Variants in LDLRAD3 observed in about 807,000 individuals in gnomAD.
LDLRAD3 encodes the protein low density lipoprotein receptor class A domain containing 3, also known as low-density lipoprotein receptor class A domain-containing protein 3.
LDLRAD3 carries 20 observed loss-of-function variants against 29.4 expected under a neutral mutation model. The ratio of observed to expected loss-of-function variants is 0.68; its 90% CI spans 0.48 to 0.99. The LOEUF is 0.99. LDLRAD3 is among the 50% of genes least tolerant of loss of function. The pLI is 0.00. For synonymous variants in LDLRAD3, 157 were observed against 192.7 expected, an observed-to-expected ratio of 0.81 and a Z score of 1.53; for missense variants, 420 against 454.3, an observed-to-expected ratio of 0.92 and a Z score of 0.69.
intron 4 of LDLRAD3, among the ~76,000 whole-genome samples, chr11:36,203,973 G>A (rs1855166235): frequency 1.3e-5 from 2 of 151,298 alleles, no homozygotes; most frequent in East Asian, 2.0e-4. Flanking sequence ...CTGGTTCCAC[G>A]GCACTTTTCC....
intron 1 of LDLRAD3, among the ~76,000 whole-genome samples, chr11:35,988,511 A>G (rs991469086): frequency 1.3e-5 from 2 of 152,082 alleles, no homozygotes; most frequent in Admixed American, 6.6e-5. Context: ...CTCTCATTCT[A>G]TAGGTTGTTT....
intron 1 of LDLRAD3, among the ~76,000 whole-genome samples, chr11:35,958,455 T>C (rs263091): frequency 0.97 from 147,036 of 152,254 alleles, 71,008 homozygotes; most frequent in East Asian, 1. Flanking sequence ...CTTTATTTTC[T>C]TCTGTTCAGT....
intron 4 of LDLRAD3, among the ~76,000 whole-genome samples, chr11:36,148,213 A>G (rs946732899): frequency 6.6e-6 from 1 of 152,122 alleles, no homozygotes; most frequent in Non-Finnish European, 1.5e-5. Context: ...AATAAATGTT[A>G]TATATCTAGC....
intron 3 of LDLRAD3, among the ~76,000 whole-genome samples, chr11:36,085,246 G>A (rs879833561): frequency 6.6e-5 from 10 of 151,928 alleles, no homozygotes; most frequent in Non-Finnish European, 1.3e-4. Flanking sequence ...CTTTAAGTAT[G>A]CCACTTCTAT....
intron 4 of LDLRAD3, among the ~76,000 whole-genome samples, chr11:36,202,365 T>G (rs1855139645): frequency 6.6e-6 from 1 of 152,158 alleles, no homozygotes; most frequent in Non-Finnish European, 1.5e-5. Flanking sequence ...TAATGCAGGA[T>G]GTAGGAATTG....
intron 4 of LDLRAD3, among the ~76,000 whole-genome samples, chr11:36,139,597 A>G (rs1397417665): frequency 6.6e-6 from 1 of 152,180 alleles, no homozygotes; most frequent in Non-Finnish European, 1.5e-5. Flanking sequence ...AACAGGAAAG[A>G]TATCTGAGGC....
chr11:36,082,191 T>C (rs1308552303), intron 3 of LDLRAD3, among the ~76,000 whole-genome samples: 1 of 152,234 alleles, frequency 6.6e-6, no homozygotes, highest in East Asian at 1.9e-4. Flanking sequence ...GTTTGCTTAC[T>C]TTTTTCTTAC....
rs1322285527 is a variant in LDLRAD3, at chr11:36,209,824, T to TA, written c.455-17254dup. On this transcript the variant is annotated intron_variant, in intron 4 of 5. Transcript: ENST00000315571. ...GTATGTATTGATGTGCTTAATTAAG[T>TA]AAAAAAATCAGGGTGTAACCATGCA... Among the ~76,000 whole-genome samples, 12 of 152,180 alleles carry TA rather than the reference T, an allele frequency of 7.9e-5. 1 individual carries two copies. Among genetic ancestry groups the TA allele is most frequent in the Non-Finnish European group, 1.3e-4 (9 of 68,040 alleles).
At chr11:36,091,111 C>T (rs2133266454) in intron 3 of LDLRAD3, among the ~76,000 whole-genome samples, 1 of 152,196 alleles carries the variant, frequency 6.6e-6, no homozygotes, top group Middle Eastern at 3.4e-3. Flanking sequence ...CCCTCAGTTG[C>T]CTGGTTTCCA....
At chr11:35,991,484 G>C (rs1345109332) in intron 1 of LDLRAD3, among the ~76,000 whole-genome samples, 1 of 152,074 alleles carries the variant, frequency 6.6e-6, no homozygotes, top group Non-Finnish European at 1.5e-5. Context: ...AACCTATAAT[G>C]GTTTATCATA....
At chr11:36,199,035 G>C (rs1170225705) in intron 4 of LDLRAD3, among the ~76,000 whole-genome samples, 1 of 152,134 alleles carries the variant, frequency 6.6e-6, no homozygotes, top group Non-Finnish European at 1.5e-5. Flanking sequence ...CAAGTAGCTG[G>C]GACTACAGGC....
intron 2 of LDLRAD3, among the ~76,000 whole-genome samples, chr11:36,055,990 C>CT (rs67731567): frequency 0.2 from 18,696 of 95,346 alleles, 2,494 homozygotes; most frequent in East Asian, 0.39. Flanking sequence ...ACAGCTTGCC[C>CT]TTTTTTTTTT....
At chr11:35,956,520 G>C (rs1007473899) in intron 1 of LDLRAD3, among the ~76,000 whole-genome samples, 1 of 152,148 alleles carries the variant, frequency 6.6e-6, no homozygotes, top group Non-Finnish European at 1.5e-5. Context: ...GCATATTAAA[G>C]TTTGAGAGGC....
intron 2 of LDLRAD3, among the ~76,000 whole-genome samples, chr11:36,039,584 C>T (rs57346912): frequency 0.26 from 39,965 of 152,050 alleles, 5,313 homozygotes; most frequent in African/African-American, 0.31. Context: ...ACATTAACTG[C>T]TATTGGTTAA....
At position 36,053,868 on chromosome 11, in the gene LDLRAD3, TA is replaced by T. The variant is rs1160746351; in HGVS notation, c.193+17620del. Among the ~76,000 whole-genome samples the T allele has an allele frequency of 1.5e-4, 23 of 152,256 alleles. No homozygotes were observed. The East Asian group carries it at 4.4e-3, about 29-fold the overall frequency. On this transcript the variant is annotated intron_variant, in intron 2 of 5. Transcript: ENST00000315571. ...CTCCAAGAAGTTGTCATGTGACTCT[TA>T]TAAGGAGTCACCCTAATGCTAGCAG... is the stretch of plus-strand genomic sequence containing the variant.
At chr11:36,050,690 G>A (rs1852514231) in intron 2 of LDLRAD3, among the ~76,000 whole-genome samples, 1 of 152,212 alleles carries the variant, frequency 6.6e-6, no homozygotes, top group African/African-American at 2.4e-5. Context: ...TATACTGAGT[G>A]TCCCTTTAGA....
intron 4 of LDLRAD3, among the ~76,000 whole-genome samples, chr11:36,192,276 A>G (rs1413344202): frequency 6.6e-6 from 1 of 152,206 alleles, no homozygotes; most frequent in African/African-American, 2.4e-5. Flanking sequence ...ACCTCTTTCA[A>G]GCATCTCTAG....
At chr11:36,040,550 C>T (rs755506374) in intron 2 of LDLRAD3, among the ~76,000 whole-genome samples, 1 of 152,122 alleles carries the variant, frequency 6.6e-6, no homozygotes, top group Non-Finnish European at 1.5e-5. Flanking sequence ...GTGCCATTAA[C>T]TTGCTATAAT....
intron 1 of LDLRAD3, among the ~76,000 whole-genome samples, chr11:35,983,734 G>T (rs1851573525): frequency 6.6e-6 from 1 of 152,174 alleles, no homozygotes; most frequent in Non-Finnish European, 1.5e-5. Context: ...AGGTTCAAGT[G>T]ATTCTCCTGC....
Sources: gnomAD v4.1 joint callset for allele counts (sites outside exome capture counted in the v4.1 genomes callset) on GRCh38, gnomAD v4.1.1 for gene constraint, MANE v1.5 for transcripts, NCBI Gene and HGNC (gene_info 2026-07-23, HGNC 2026-07-21) for gene names.